ZSWIM6: variants seen among roughly 807,000 people sequenced by gnomAD.
ZSWIM6 encodes the protein zinc finger SWIM-type containing 6.
In ZSWIM6, 9 loss-of-function variants were observed where a neutral mutation model predicts 113.2. That is an observed-to-expected ratio of 0.08 (90% CI 0.05 to 0.14). The LOEUF (loss-of-function observed/expected upper bound fraction) is 0.14, where lower values mean the gene tolerates loss of function less well. Among genes scored for constraint, ZSWIM6 ranks in the 10% least tolerant of loss-of-function variants. ZSWIM6 has a pLI of 1.00. For synonymous variants in ZSWIM6, 611 were observed against 606.5 expected (o/e 1.01, Z -0.11); for missense variants, 1,162 against 1,552.2 (o/e 0.75, Z 4.22).
chr5:61,405,961 C>T (rs562375264), intron 1 of ZSWIM6, among the ~76,000 whole-genome samples: 158 of 152,216 alleles, frequency 1.0e-3, no homozygotes, highest in African/African-American at 3.6e-3. Flanking sequence ...GTCTGTGGTC[C>T]TGTGAGGTCT....
chr5:61,401,120 G>A (rs1745932291), intron 1 of ZSWIM6, among the ~76,000 whole-genome samples: 1 of 151,918 alleles, frequency 6.6e-6, no homozygotes, highest in Non-Finnish European at 1.5e-5. Flanking sequence ...GTTAGCTTTT[G>A]TGTTAGTGGT....
rs775014680 is a variant in ZSWIM6, at chr5:61,472,694, C to T, written c.690C>T (p.Ser230=). 1.8e-5 allele frequency: 28 copies of T among 1,526,866 alleles called. No individual in the cohort carries two copies. In the South Asian group the frequency reaches 2.1e-4, roughly 12 times the overall value. 94.6% of individuals were successfully genotyped at this position (1,526,866 alleles called of 1,614,324 possible). ...DNVLQVGFHL[S]GTVTEPAIQS... is the part of the protein sequence containing the mutation. Reference sequence around the variant, plus strand: ...TTCACCCTCAAGGTTTCCACTTGAGCGGCACAGTGACAGAACCTGCAATAC... The same window carrying T: ...TTCACCCTCAAGGTTTCCACTTGAGTGGCACAGTGACAGAACCTGCAATAC... Residue 230 remains serine (S), a synonymous_variant, in exon 2 of 14, where the codon AGC becomes AGT. Transcript: ENST00000252744. This position sits in a 1 kb window ranked among gnomAD's most constrained non-coding sequence, Gnocchi z 4.1.
intron 1 of ZSWIM6, among the ~76,000 whole-genome samples, chr5:61,465,145 T>C (rs991297652): frequency 1.3e-5 from 2 of 152,226 alleles, no homozygotes; most frequent in Non-Finnish European, 1.5e-5. Flanking sequence ...AGAAAGCAGC[T>C]TATGTTTAAA....
At chr5:61,410,499 G>A (rs187851939) in intron 1 of ZSWIM6, among the ~76,000 whole-genome samples, 8 of 151,748 alleles carry the variant, frequency 5.3e-5, no homozygotes, top group Admixed American at 3.3e-4. Flanking sequence ...TAGTAGAGAT[G>A]GGGTTTCACC....
In ZSWIM6 at chr5:61,340,705, T is replaced by G. The variant is rs1744524993; in HGVS notation, c.676+7757T>G. 2.0e-5 allele frequency among the ~76,000 whole-genome samples: 3 copies of G among 152,202 alleles called. No homozygotes were observed. The South Asian group carries it at 6.2e-4, about 31-fold the overall frequency. Reference sequence around the variant, plus strand: ...CCGTGTTGCTTATTTTTCCTACTGTTTGGGCCGTGTCTTAGTTTGGTAGTC... The same window carrying G: ...CCGTGTTGCTTATTTTTCCTACTGTGTGGGCCGTGTCTTAGTTTGGTAGTC... On this transcript the variant is annotated intron_variant, in intron 1 of 13. Coordinates refer to ENST00000252744, the MANE Select transcript of ZSWIM6 (RefSeq NM_020928.2).
intron 1 of ZSWIM6, among the ~76,000 whole-genome samples, chr5:61,398,913 T>TTG (rs1745892531): frequency 1.7e-4 from 1 of 5,820 alleles, no homozygotes; most frequent in African/African-American, 2.2e-4. Flanking sequence ...TGTATAGTTG[T>TTG]TTTTTTTTTT....
At chr5:61,503,438 TG>T (rs1748526762) in intron 4 of ZSWIM6, among the ~76,000 whole-genome samples, 1 of 152,184 alleles carries the variant, frequency 6.6e-6, no homozygotes, top group Non-Finnish European at 1.5e-5. Context: ...TCAGCAAACC[TG>T]GAGAAGAGAG....
At chr5:61,479,110 G>A (rs1443528120) in intron 2 of ZSWIM6, among the ~76,000 whole-genome samples, 1 of 151,836 alleles carries the variant, frequency 6.6e-6, no homozygotes, top group Admixed American at 6.6e-5. Context: ...GGCGGAGACT[G>A]CAGTGAGCCA....
chr5:61,496,418 A>C (rs1459272080), intron 4 of ZSWIM6, among the ~76,000 whole-genome samples: 1 of 152,154 alleles, frequency 6.6e-6, no homozygotes, highest in East Asian at 1.9e-4. Context: ...AAATTAACTG[A>C]AAGTTGCTTC....
At chr5:61,411,809 C>G (rs1746152652) in intron 1 of ZSWIM6, among the ~76,000 whole-genome samples, 1 of 152,170 alleles carries the variant, frequency 6.6e-6, no homozygotes, top group African/African-American at 2.4e-5. Context: ...TTCATGAGGG[C>G]TCTACATCCG....
chr5:61,447,568 A>C (rs1746988161), intron 1 of ZSWIM6, among the ~76,000 whole-genome samples: 1 of 152,164 alleles, frequency 6.6e-6, no homozygotes, highest in African/African-American at 2.4e-5. Context: ...GCAGTCAGGC[A>C]GCAGCGTGGC....
intron 1 of ZSWIM6, among the ~76,000 whole-genome samples, chr5:61,356,550 C>A (rs1744910419): frequency 6.6e-6 from 1 of 150,490 alleles, no homozygotes; most frequent in Non-Finnish European, 1.5e-5. Flanking sequence ...AATATATTTA[C>A]TTTAAAAAAT....
rs1749259200 is a variant in ZSWIM6 at position 61,525,807 on chromosome 5, G to A, written c.1521G>A (p.Ser507=). ...GAATTGTGGAAAAAACAGATTCATC[G>A]AACAGGCCACATCGGACAGTGTTCA... ...PQGANANQDS[S]NRPHRTVFTR... is the part of the protein sequence containing the mutation. The change falls in exon 6 of 14, where the codon TCG becomes TCA. Residue 507 remains serine (S), a synonymous_variant. Transcript: ENST00000252744. The A allele has an allele frequency of 3.2e-6, 5 of 1,551,504 alleles. No homozygotes were observed. Among genetic ancestry groups the A allele is most frequent in the African/African-American group, 1.4e-5 (1 of 73,114 alleles).
At chr5:61,430,044 T>G (rs1039098684) in intron 1 of ZSWIM6, among the ~76,000 whole-genome samples, 18 of 152,286 alleles carry the variant, frequency 1.2e-4, no homozygotes, top group African/African-American at 3.6e-4. Context: ...TATTGTCAGA[T>G]GCTGTAGAAG....
chr5:61,535,804 G>A (rs1447694648), intron 10 of ZSWIM6, among the ~76,000 whole-genome samples, 185 bp downstream of exon 10: 1 of 152,206 alleles, frequency 6.6e-6, no homozygotes, highest in Non-Finnish European at 1.5e-5. Context: ...TCTGTTTAAA[G>A]TAAGGGAAGG....
chr5:61,420,885 G>A (rs1225113067), intron 1 of ZSWIM6, among the ~76,000 whole-genome samples: 1 of 151,226 alleles, frequency 6.6e-6, no homozygotes, highest in East Asian at 1.9e-4. Flanking sequence ...TCACCCTGCT[G>A]TGCTAACAAA....
Position 61,464,083 on chromosome 5 carries a change from C to T in ZSWIM6, c.677-8598C>T, listed in dbSNP as rs1056101455. On this transcript the variant is annotated intron_variant, in intron 1 of 13. Transcript: ENST00000252744. The stretch of plus-strand genomic sequence containing the variant: ...TCTAGCTCACTGCAGCCTCTGCCTC[C>T]TGGGTTCAAGCGATTCTCCTGCCTC... Among the ~76,000 whole-genome samples, 4 of 150,500 alleles carry T rather than the reference C, an allele frequency of 2.7e-5. No homozygotes were observed. The East Asian group carries it at 7.8e-4, about 29-fold the overall frequency.
intron 1 of ZSWIM6, among the ~76,000 whole-genome samples, chr5:61,354,499 A>G (rs1454966674): frequency 6.6e-6 from 1 of 152,184 alleles, no homozygotes; most frequent in Non-Finnish European, 1.5e-5. Flanking sequence ...ACGTGACACG[A>G]GATGTATTTA....
At position 61,543,404 on chromosome 5, in the gene ZSWIM6, C is replaced by A. The variant is rs376297312; in HGVS notation, c.2786-51C>A. On this transcript the variant is annotated intron_variant, in intron 13 of 13. Coordinates refer to ENST00000252744, the MANE Select transcript of ZSWIM6 (RefSeq NM_020928.2). This position sits in a 1 kb window ranked among gnomAD's most constrained non-coding sequence, Gnocchi z 4.3. ...TTGTAAAAGTCAAAATAAGGCAGGA[C>A]CTCTGGGCAGCCTCCTCGTCAGTAA... 119 of 1,506,588 alleles carry A rather than the reference C, an allele frequency of 7.9e-5. 1 individual carries two copies. In the African/African-American group the frequency reaches 1.5e-3, roughly 19 times the overall value. The allele number at this position is 1,506,588 out of a possible 1,614,324, so 93.3% of individuals were successfully genotyped here. A position where few individuals can be genotyped will look rare whatever the true frequency, so the allele number is the denominator to read the frequency against.
Sources: allele counts gnomAD v4.1 joint callset (sites outside exome capture counted in the v4.1 genomes callset), GRCh38; gene constraint gnomAD v4.1.1; non-coding constraint Gnocchi (gnomAD v3.1); transcripts MANE v1.5; gene names NCBI Gene and HGNC (gene_info 2026-07-23, HGNC 2026-07-21).